The following SOX2 variants were observed in gnomAD, a reference collection of about 807,000 sequenced individuals.
SOX2 encodes transcription factor SOX-2.
SOX2 carries 2 observed loss-of-function variants against 19.7 expected under a neutral mutation model. The observed-to-expected ratio is 0.10, with a 90% CI of 0.04 to 0.32. SOX2 has a LOEUF of 0.32. Among genes scored for constraint, SOX2 ranks in the 10% least tolerant of loss-of-function variants. The pLI is 1.00. For synonymous variants in SOX2, 211 were observed against 196.8 expected (o/e 1.07, Z -0.60); for missense variants, 294 against 459.9 (o/e 0.64, Z 3.30).
chr3:181,714,389 T>G lies in SOX2; in HGVS notation c.*1075T>G, dbSNP rs1474420418. ...ATTTTCAACTTAAGTTTTTACTCCA[T>G]TATGCACAGTTTGAGATAAATAAAT... On this transcript the variant is annotated 3_prime_UTR_variant, in exon 1 of 1. Transcript: ENST00000325404. The G allele has an allele frequency of 4.3e-6, 1 of 232,898 alleles. No individual in the cohort carries two copies. The highest frequency in any genetic ancestry group is 9.2e-6 in the Non-Finnish European group (1 of 108,702). 14.4% of individuals were successfully genotyped at this position (232,898 alleles called of 1,614,324 possible).
In SOX2 at chr3:181,712,334, C is replaced by T; in HGVS notation, c.-27C>T. On this transcript the variant is annotated 5_prime_UTR_variant, in exon 1 of 1. Coordinates refer to ENST00000325404, the MANE Select transcript of SOX2 (RefSeq NM_003106.4). The surrounding 1 kb of genome is among the most constrained non-coding windows in gnomAD (Gnocchi z 8.5). ...CGGGCCGAGGGTCGGCGGCCGCCGG[C>T]GGGCCGGGCCCGCGCACAGCGCCCG... is the stretch of plus-strand genomic sequence containing the variant. 2.2e-6 allele frequency: 3 copies of T among 1,342,082 alleles called. No homozygotes were observed. Among genetic ancestry groups the T allele is most frequent in the Non-Finnish European group, 2.8e-6 (3 of 1,053,358 alleles). The allele number at this position is 1,342,082 out of a possible 1,614,324, so 83.1% of individuals were successfully genotyped here. A position where few individuals can be genotyped will look rare whatever the true frequency, so the allele number is the denominator to read the frequency against.
rs746530609 is a variant in SOX2 at position 181,713,023 on chromosome 3, C to A, written c.663C>A (p.Pro221=). 1 of 1,613,852 alleles carries A rather than the reference C, an allele frequency of 6.2e-7. No individual in the cohort carries two copies. Among genetic ancestry groups the A allele is most frequent in the Admixed American group, 1.7e-5 (1 of 60,028 alleles). The change falls in exon 1 of 1, where the codon CCC becomes CCA. Residue 221 remains proline (P), a synonymous_variant. Transcript: ENST00000325404. ...CGCAGACCTACATGAACGGCTCGCC[C>A]ACCTACAGCATGTCCTACTCGCAGC... ...TSSQTYMNGS[P]TYSMSYSQQG...
rs2108523306 is a variant in SOX2, at chr3:181,713,099, G to A, written c.739G>A (p.Glu247Lys). The change falls in exon 1 of 1, where the codon GAG (glutamate) becomes AAG (lysine). Residue 247 changes from glutamate to lysine, a missense_variant. This residue lies in a region of SOX2 where 223 missense variants were observed against 292.7 expected (regional missense o/e 0.76). Transcript: ENST00000325404. ...LGSMGSVVKS[E>K]ASSSPPVVTS... ...CTCCATGGGTTCGGTGGTCAAGTCC[G>A]AGGCCAGCTCCAGCCCCCCTGTGGT... 1 of 1,613,866 alleles carries A rather than the reference G, an allele frequency of 6.2e-7. No individual in the cohort carries two copies. Among genetic ancestry groups the A allele is most frequent in the Non-Finnish European group, 8.5e-7 (1 of 1,180,030 alleles).
Position 181,714,404 on chromosome 3 carries a change from GATAA to G in SOX2, c.*1097_*1100del, listed in dbSNP as rs1350972801. On this transcript the variant is annotated 3_prime_UTR_variant, in exon 1 of 1. Coordinates refer to ENST00000325404, the MANE Select transcript of SOX2 (RefSeq NM_003106.4). Reference sequence around the variant, plus strand: ...TTTTACTCCATTATGCACAGTTTGAGATAAATAAATTTTTGAAATATGGACACTG... The same window carrying G: ...TTTTACTCCATTATGCACAGTTTGAGATAAATTTTTGAAATATGGACACTG... 1 of 229,130 alleles carries G rather than the reference GATAA, an allele frequency of 4.4e-6. No homozygotes were observed. Among genetic ancestry groups the G allele is most frequent in the Non-Finnish European group, 9.4e-6 (1 of 106,350 alleles). The allele number at this position is 229,130 out of a possible 1,614,324, so 14.2% of individuals were successfully genotyped here.
chr3:181,713,635 G>C lies in SOX2; in HGVS notation c.*321G>C, dbSNP rs2108524408. ...AGGGCGGGGGAATGGACCTTGTATA[G>C]ATCTGGAGGAAAGAAAGCTACGAAA... On this transcript the variant is annotated 3_prime_UTR_variant, in exon 1 of 1. Coordinates refer to ENST00000325404, the MANE Select transcript of SOX2 (RefSeq NM_003106.4). 2.1e-6 allele frequency: 1 copy of C among 466,602 alleles called. No homozygotes were observed. The highest frequency in any genetic ancestry group is 3.9e-6 in the Non-Finnish European group (1 of 255,412). The allele number at this position is 466,602 out of a possible 1,614,324, so 28.9% of individuals were successfully genotyped here.
Position 181,712,034 on chromosome 3 carries a change from G to A in SOX2, c.-327G>A, listed in dbSNP as rs867785418. On this transcript the variant is annotated 5_prime_UTR_variant, in exon 1 of 1. Coordinates refer to ENST00000325404, the MANE Select transcript of SOX2 (RefSeq NM_003106.4). The surrounding 1 kb of genome is among the most constrained non-coding windows in gnomAD (Gnocchi z 8.5). ...TTGCTGCCTCTTTAAGACTAGGACT[G>A]AGAGAAAGAAGAGGAGAGAGAAAGA... is the stretch of plus-strand genomic sequence containing the variant. 6.5e-6 allele frequency: 2 copies of A among 308,392 alleles called. No individual in the cohort carries two copies. The highest frequency in any genetic ancestry group is 5.9e-6 in the Non-Finnish European group (1 of 169,254). The allele number at this position is 308,392 out of a possible 1,614,324, so 19.1% of individuals were successfully genotyped here.
In SOX2 at chr3:181,713,336, G is replaced by T. The variant is rs114948167; in HGVS notation, c.*22G>T. The stretch of plus-strand genomic sequence containing the variant: ...GTGAGGGCCGGACAGCGAACTGGAG[G>T]GGGGAGAAATTTTCAAAGAAAAACG... On this transcript the variant is annotated 3_prime_UTR_variant, in exon 1 of 1. Coordinates refer to ENST00000325404, the MANE Select transcript of SOX2 (RefSeq NM_003106.4). The T allele has an allele frequency of 6.4e-7, 1 of 1,553,266 alleles. No individual in the cohort carries two copies. The highest frequency in any genetic ancestry group is 1.4e-5 in the African/African-American group (1 of 73,170).
At position 181,712,614 on chromosome 3, in the gene SOX2, C is replaced by T. The variant is rs1007978252; in HGVS notation, c.254C>T (p.Thr85Met). The change falls in exon 1 of 1, where the codon ACG becomes ATG. Residue 85 changes from threonine (T) to methionine (M), a missense_variant. Physicochemically the swap from Thr to Met is moderately conservative, Grantham distance 81 (BLOSUM62 -1). Around this residue, in one of 3 missense-constraint regions of SOX2, gnomAD observed 20 missense variants for 112.3 expected, o/e 0.18. Transcript: ENST00000325404. This position sits in a 1 kb window ranked among gnomAD's most constrained non-coding sequence, Gnocchi z 8.5. The part of the protein sequence containing the change: ...LGAEWKLLSE[T>M]EKRPFIDEAK... Reference sequence around the variant, plus strand: ...GCCGAGTGGAAACTTTTGTCGGAGACGGAGAAGCGGCCGTTCATCGACGAG... The same window carrying T: ...GCCGAGTGGAAACTTTTGTCGGAGATGGAGAAGCGGCCGTTCATCGACGAG... 8.7e-6 allele frequency: 14 copies of T among 1,614,058 alleles called. No individual in the cohort carries two copies. Among genetic ancestry groups the T allele is most frequent in the South Asian group, 5.5e-5 (5 of 91,092 alleles).
rs778665464 is a variant in SOX2 at position 181,713,102 on chromosome 3, G to T, written c.742G>T (p.Ala248Ser). Residue 248 changes from alanine to serine, a missense_variant, in exon 1 of 1, where the codon GCC (alanine) becomes TCC (serine). Physicochemically the swap from Ala to Ser is moderately conservative, Grantham distance 99 (BLOSUM62 1). Around this residue, in one of 3 missense-constraint regions of SOX2, gnomAD observed 223 missense variants for 292.7 expected, o/e 0.76. Coordinates refer to ENST00000325404, the MANE Select transcript of SOX2 (RefSeq NM_003106.4). ...GSMGSVVKSEASSSPPVVTSS... is the reference protein window; with the variant it reads ...GSMGSVVKSESSSSPPVVTSS... ...CATGGGTTCGGTGGTCAAGTCCGAG[G>T]CCAGCTCCAGCCCCCCTGTGGTTAC... 3 of 1,613,744 alleles carry T rather than the reference G, an allele frequency of 1.9e-6. No individual in the cohort carries two copies. The highest frequency in any genetic ancestry group is 2.5e-6 in the Non-Finnish European group (3 of 1,180,038).
In SOX2 at chr3:181,713,516, A is replaced by C. The variant is rs2108524266; in HGVS notation, c.*202A>C. 5 of 469,570 alleles carry C rather than the reference A, an allele frequency of 1.1e-5. No individual in the cohort carries two copies. The highest frequency in any genetic ancestry group is 2.4e-5 in the South Asian group (1 of 42,210). 29.1% of individuals were successfully genotyped at this position (469,570 alleles called of 1,614,324 possible). On this transcript the variant is annotated 3_prime_UTR_variant, in exon 1 of 1. Coordinates refer to ENST00000325404, the MANE Select transcript of SOX2 (RefSeq NM_003106.4). ...CAATCCCATCCACACTCACGCAAAA[A>C]CCGCGATGCCGACAAGAAAACTTTT...
chr3:181,713,679 G>C lies in SOX2; in HGVS notation c.*365G>C, dbSNP rs939267010. On this transcript the variant is annotated 3_prime_UTR_variant, in exon 1 of 1. Transcript: ENST00000325404. ...TACGAAAAACTTTTTAAAAGTTCTAGTGGTACGGTAGGAGCTTTGCAGGAA... is the reference window on the plus strand; with the variant it reads ...TACGAAAAACTTTTTAAAAGTTCTACTGGTACGGTAGGAGCTTTGCAGGAA... 46 of 403,220 alleles carry C rather than the reference G, an allele frequency of 1.1e-4. No homozygotes were observed. The highest frequency in any genetic ancestry group is 8.8e-5 in the Non-Finnish European group (19 of 216,048). 25.0% of individuals were successfully genotyped at this position (403,220 alleles called of 1,614,324 possible).
chr3:181,712,324 C>A lies in SOX2; in HGVS notation c.-37C>A, dbSNP rs1714830507. The A allele has an allele frequency of 7.5e-7, 1 of 1,338,426 alleles. No individual in the cohort carries two copies. The highest frequency in any genetic ancestry group is 9.5e-7 in the Non-Finnish European group (1 of 1,050,766). 82.9% of individuals were successfully genotyped at this position (1,338,426 alleles called of 1,614,324 possible). ...AAGTCCCGGCCGGGCCGAGGGTCGGCGGCCGCCGGCGGGCCGGGCCCGCGC... is the reference window on the plus strand; with the variant it reads ...AAGTCCCGGCCGGGCCGAGGGTCGGAGGCCGCCGGCGGGCCGGGCCCGCGC... On this transcript the variant is annotated 5_prime_UTR_variant, in exon 1 of 1. Transcript: ENST00000325404. This position sits in a 1 kb window ranked among gnomAD's most constrained non-coding sequence, Gnocchi z 8.5.
In SOX2 at chr3:181,714,385, TC is replaced by T. The variant is rs1183121547; in HGVS notation, c.*1073del. 2 of 234,340 alleles carry T rather than the reference TC, an allele frequency of 8.5e-6. No homozygotes were observed. The highest frequency in any genetic ancestry group is 1.2e-4 in the Admixed American group (2 of 17,318). The allele number at this position is 234,340 out of a possible 1,614,324, so 14.5% of individuals were successfully genotyped here. ...GTACATTTTCAACTTAAGTTTTTAC[TC>T]CATTATGCACAGTTTGAGATAAATA... On this transcript the variant is annotated 3_prime_UTR_variant, in exon 1 of 1. Coordinates refer to ENST00000325404, the MANE Select transcript of SOX2 (RefSeq NM_003106.4).
In SOX2 at chr3:181,712,852, C is replaced by T. The variant is rs1162536104; in HGVS notation, c.492C>T (p.Asn164=). The change falls in exon 1 of 1, where the codon AAC becomes AAT. Residue 164 remains asparagine (N), a synonymous_variant. Coordinates refer to ENST00000325404, the MANE Select transcript of SOX2 (RefSeq NM_003106.4). The surrounding 1 kb of genome is among the most constrained non-coding windows in gnomAD (Gnocchi z 8.5). The part of the protein sequence containing the change: ...NQRMDSYAHM[N]GWSNGSYSMM... ...GCATGGACAGTTACGCGCACATGAA[C>T]GGCTGGAGCAACGGCAGCTACAGCA... 1.2e-6 allele frequency: 2 copies of T among 1,608,144 alleles called. No homozygotes were observed. Among genetic ancestry groups the T allele is most frequent in the Admixed American group, 3.4e-5 (2 of 59,646 alleles).
In SOX2 at chr3:181,712,764, G is replaced by T; in HGVS notation, c.404G>T (p.Gly135Val). 1 of 1,607,550 alleles carries T rather than the reference G, an allele frequency of 6.2e-7. No individual in the cohort carries two copies. Among genetic ancestry groups the T allele is most frequent in the Non-Finnish European group, 8.5e-7 (1 of 1,176,912 alleles). The change falls in exon 1 of 1, where the codon GGC (glycine) becomes GTC (valine). Residue 135 changes from glycine to valine, a missense_variant. Around this residue, in one of 3 missense-constraint regions of SOX2, gnomAD observed 223 missense variants for 292.7 expected, o/e 0.76. Transcript: ENST00000325404. This position sits in a 1 kb window ranked among gnomAD's most constrained non-coding sequence, Gnocchi z 8.5. ...YTLPGGLLAP[G>V]GNSMASGVGV... ...CTGCCCGGCGGGCTGCTGGCCCCCG[G>T]CGGCAATAGCATGGCGAGCGGGGTC...
Position 181,714,147 on chromosome 3 carries a change from T to C in SOX2, c.*833T>C. The C allele has an allele frequency of 8.2e-6, 2 of 243,332 alleles. No individual in the cohort carries two copies. The highest frequency in any genetic ancestry group is 1.8e-4 in the South Asian group (1 of 5,486). 15.1% of individuals were successfully genotyped at this position (243,332 alleles called of 1,614,324 possible). On this transcript the variant is annotated 3_prime_UTR_variant, in exon 1 of 1. Transcript: ENST00000325404. The stretch of plus-strand genomic sequence containing the variant: ...AATAGCTTTTGTTCGATCCCAACTT[T>C]CCATTTTGTTCAGATAAAAAAAACC...
rs1156250275 is a variant in SOX2, at chr3:181,712,316, A to T, written c.-45A>T. 13 of 1,306,650 alleles carry T rather than the reference A, an allele frequency of 9.9e-6. No homozygotes were observed. Among genetic ancestry groups the T allele is most frequent in the Non-Finnish European group, 1.3e-5 (13 of 1,033,070 alleles). The allele number at this position is 1,306,650 out of a possible 1,614,324, so 80.9% of individuals were successfully genotyped here. ...GCCCCCCAAAGTCCCGGCCGGGCCG[A>T]GGGTCGGCGGCCGCCGGCGGGCCGG... On this transcript the variant is annotated 5_prime_UTR_variant, in exon 1 of 1. Coordinates refer to ENST00000325404, the MANE Select transcript of SOX2 (RefSeq NM_003106.4). This position sits in a 1 kb window ranked among gnomAD's most constrained non-coding sequence, Gnocchi z 8.5.
In SOX2 at chr3:181,711,948, A is replaced by G. The variant is rs1714811397; in HGVS notation, c.-413A>G. 4.2e-6 allele frequency: 1 copy of G among 239,362 alleles called. No homozygotes were observed. The highest frequency in any genetic ancestry group is 1.8e-4 in the South Asian group (1 of 5,588). The allele number at this position is 239,362 out of a possible 1,614,324, so 14.8% of individuals were successfully genotyped here. ...TGGATGGTTGTCTATTAACTTGTTC[A>G]AAAAAGTATCAGGAGTTGTCAAGGC... On this transcript the variant is annotated 5_prime_UTR_variant, in exon 1 of 1. Transcript: ENST00000325404.
At position 181,714,270 on chromosome 3, in the gene SOX2, T is replaced by G. The variant is rs1407214037; in HGVS notation, c.*956T>G. ...GTTTTCCCCCCTTTATTTTCCGTAG[T>G]TGTATTTTAAAAGATTCGGCTCTGT... On this transcript the variant is annotated 3_prime_UTR_variant, in exon 1 of 1. Coordinates refer to ENST00000325404, the MANE Select transcript of SOX2 (RefSeq NM_003106.4). 4.2e-6 allele frequency: 1 copy of G among 237,650 alleles called. No individual in the cohort carries two copies. The highest frequency in any genetic ancestry group is 8.9e-6 in the Non-Finnish European group (1 of 111,742). 14.7% of individuals were successfully genotyped at this position (237,650 alleles called of 1,614,324 possible).
Sources: gnomAD v4.1 joint callset for allele counts on GRCh38, gnomAD v4.1.1 for gene constraint, gnomAD v4.1.1 regional missense constraint, Gnocchi (gnomAD v3.1) non-coding constraint, MANE v1.5 for transcripts, NCBI Gene and HGNC (gene_info 2026-07-23, HGNC 2026-07-21) for gene names.